PLEKHG1: variants seen among roughly 807,000 people sequenced by gnomAD.
PLEKHG1 encodes pleckstrin homology domain-containing family G member 1.
Under a neutral mutation model 100.8 loss-of-function variants are expected in PLEKHG1, and 44 were observed. That is an observed-to-expected ratio of 0.44 (90% confidence interval 0.34 to 0.56). The LOEUF is 0.56. Ranked by LOEUF, PLEKHG1 falls within the 20% of genes least tolerant of loss-of-function variation. PLEKHG1 has a pLI of 0.01. For synonymous variants in PLEKHG1, 640 were observed against 662.5 expected (o/e 0.97, Z 0.52); for missense variants, 1,545 against 1,720.9 (o/e 0.90, Z 1.81).
chr6:150,806,454 G>A (rs1487691487), intron 7 of PLEKHG1, among the ~76,000 whole-genome samples: 2 of 151,954 alleles, frequency 1.3e-5, no homozygotes, highest in Non-Finnish European at 2.9e-5. Context: ...GGAGGCCGAG[G>A]CAGGCGGATC....
chr6:150,781,585 G>A (rs1160290799), intron 3 of PLEKHG1, among the ~76,000 whole-genome samples: 1 of 151,854 alleles, frequency 6.6e-6, no homozygotes, highest in East Asian at 1.9e-4. Flanking sequence ...TTAAAAGAGC[G>A]CTGGCAGAGA....
chr6:150,733,604 G>A (rs1363250643), exon 2 of PLEKHG1: 3 of 1,612,382 alleles, frequency 1.9e-6, no homozygotes, highest in Non-Finnish European at 8.5e-7. Context: ...GTTGCGTCTT[G>A]AAGTGCCATC....
At chr6:150,709,714 C>T (rs562062769) in intron 3 of PLEKHG1, among the ~76,000 whole-genome samples, 15 of 152,330 alleles carry the variant, frequency 9.8e-5, no homozygotes, top group African/African-American at 1.9e-4. Flanking sequence ...CCTTTCCACA[C>T]ATCATTTCAT....
intron 1 of PLEKHG1, among the ~76,000 whole-genome samples, chr6:150,728,742 AAAAAT>A (rs1452686787): frequency 6.6e-6 from 1 of 152,030 alleles, no homozygotes; most frequent in East Asian, 1.9e-4. Context: ...CTAAAAGTAC[AAAAAT>A]TAGCCAGGCA....
At chr6:150,647,510 T>C (rs1239720689) in intron 2 of PLEKHG1, among the ~76,000 whole-genome samples, 3 of 152,178 alleles carry the variant, frequency 2.0e-5, no homozygotes, top group Non-Finnish European at 4.4e-5. Flanking sequence ...GTTTTGCCTA[T>C]GTAACTTATT....
chr6:150,671,001 A>G (rs937263081), intron 3 of PLEKHG1, among the ~76,000 whole-genome samples: 1 of 151,468 alleles, frequency 6.6e-6, no homozygotes, highest in Non-Finnish European at 1.5e-5. Context: ...CCTGGGTTAC[A>G]TCACTTAGAA....
chr6:150,755,663 G>A (rs1412658896), intron 2 of PLEKHG1, among the ~76,000 whole-genome samples: 1 of 152,052 alleles, frequency 6.6e-6, no homozygotes, highest in Non-Finnish European at 1.5e-5. Flanking sequence ...TGAAGCTACG[G>A]AGCCTCAGCA....
At chr6:150,665,412 C>T (rs1779355786) in intron 3 of PLEKHG1, among the ~76,000 whole-genome samples, 1 of 152,074 alleles carries the variant, frequency 6.6e-6, no homozygotes, top group South Asian at 2.1e-4. Flanking sequence ...AGGTAGATCA[C>T]GAGGTCAGGA....
At chr6:150,660,844 A>G (rs1167539868) in intron 3 of PLEKHG1, among the ~76,000 whole-genome samples, 1 of 152,240 alleles carries the variant, frequency 6.6e-6, no homozygotes, top group African/African-American at 2.4e-5. Flanking sequence ...TTTCTAAACA[A>G]AAGACATATT....
chr6:150,747,331 C>G (rs1048771023), intron 2 of PLEKHG1, among the ~76,000 whole-genome samples: 31 of 152,176 alleles, frequency 2.0e-4, no homozygotes, highest in Admixed American at 2.0e-3. Context: ...ACCTGGGTCA[C>G]GTGATAAGCC....
At chr6:150,780,872 T>C (rs1583115362) in intron 3 of PLEKHG1, among the ~76,000 whole-genome samples, 2 of 151,580 alleles carry the variant, frequency 1.3e-5, no homozygotes, top group South Asian at 4.2e-4. Context: ...GGGTTTTTTG[T>C]TTGTTTGTTT....
chr6:150,707,004 T>C lies in PLEKHG1; in HGVS notation c.-98-26580T>C, dbSNP rs1236819787. ...TTCTTTTCTTTTTCTTTTTCTTTTT[T>C]TTTTTTTTTTTTTTTTTAAGATGGA... On this transcript the variant is annotated intron_variant, in intron 3 of 3. Coordinates refer to the PLEKHG1 transcript ENST00000367326. Among the ~76,000 whole-genome samples, 6 of 130,904 alleles carry C rather than the reference T, an allele frequency of 4.6e-5. No individual in the cohort carries two copies. The East Asian group carries it at 6.5e-4, about 14-fold the overall frequency. The allele number at this position is 130,904 out of a possible 152,430, so 85.9% of individuals were successfully genotyped here.
chr6:150,817,088 C>T (rs945966519), intron 10 of PLEKHG1, among the ~76,000 whole-genome samples: 26 of 152,332 alleles, frequency 1.7e-4, no homozygotes, highest in East Asian at 7.7e-4. Context: ...TAACAGGCTA[C>T]GAACTAGTAC....
rs561536701 is a variant in PLEKHG1 at position 150,721,807 on chromosome 6, A to G, written c.-99+607A>G. ...TGGATTGTATTCAATGCCGTTGTCC[A>G]TTGGAATCTGATTTCATTTGGCTTC... On this transcript the variant is annotated intron_variant, in intron 1 of 15. Coordinates refer to ENST00000358517, the Ensembl canonical transcript of PLEKHG1. Among the ~76,000 whole-genome samples, 9 of 152,350 alleles carry G rather than the reference A, an allele frequency of 5.9e-5. 1 individual carries two copies. In the South Asian group the frequency reaches 1.9e-3, roughly 32 times the overall value.
intron 1 of PLEKHG1, among the ~76,000 whole-genome samples, chr6:150,612,959 T>C (rs1776914612): frequency 6.6e-6 from 1 of 152,208 alleles, no homozygotes; most frequent in Admixed American, 6.5e-5. Context: ...GTTAGCTCAA[T>C]CCACTCTACT....
chr6:150,803,528 A>C (rs1043357722), intron 6 of PLEKHG1, among the ~76,000 whole-genome samples: 1 of 152,304 alleles, frequency 6.6e-6, no homozygotes, highest in South Asian at 2.1e-4. Flanking sequence ...TATGTGCTCA[A>C]AAGAACTAGA....
At chr6:150,648,881 T>C (rs558828325) in intron 2 of PLEKHG1, among the ~76,000 whole-genome samples, 2 of 152,302 alleles carry the variant, frequency 1.3e-5, no homozygotes, top group Non-Finnish European at 2.9e-5. Context: ...TATTTTTATA[T>C]AGTATTCATG....
chr6:150,808,444 G>A (rs1405701848), intron 7 of PLEKHG1, among the ~76,000 whole-genome samples: 1 of 151,910 alleles, frequency 6.6e-6, no homozygotes, highest in Admixed American at 6.6e-5. Context: ...CCAGAGAGGA[G>A]GGGTGAGAAA....
At chr6:150,628,643 A>G (rs1777615619) in intron 1 of PLEKHG1, among the ~76,000 whole-genome samples, 1 of 151,176 alleles carries the variant, frequency 6.6e-6, no homozygotes, top group African/African-American at 2.4e-5. Context: ...ACTTGAGTGA[A>G]AGGACTCAGG....
Sources: gnomAD v4.1 joint callset for allele counts (sites outside exome capture counted in the v4.1 genomes callset) on GRCh38, gnomAD v4.1.1 for gene constraint, MANE v1.5 for transcripts, NCBI Gene and HGNC (gene_info 2026-07-23, HGNC 2026-07-21) for gene names.